Variants in GMDS observed in about 807,000 individuals in gnomAD.
The protein encoded by GMDS is GDP-mannose 4,6-dehydratase, also known as GDP-mannose 4,6 dehydratase.
GMDS carries 20 observed loss-of-function variants against 49.9 expected under a neutral mutation model. The observed-to-expected ratio is 0.40, with a 90% CI of 0.28 to 0.58. GMDS has a LOEUF of 0.58. GMDS is among the 20% of genes least tolerant of loss of function. GMDS has a pLI of 0.42. For synonymous variants in GMDS, 177 were observed against 178.6 expected (o/e 0.99, Z 0.07); for missense variants, 362 against 481.4 (o/e 0.75, Z 2.32).
chr6:1,734,268 A>G (rs981939587), intron 8 of GMDS, among the ~76,000 whole-genome samples: 1 of 152,242 alleles, frequency 6.6e-6, no homozygotes, highest in South Asian at 2.1e-4. Flanking sequence ...AGGAATAACC[A>G]TCTACCACAA....
At chr6:1,812,694 A>C (rs1159230096) in intron 7 of GMDS, among the ~76,000 whole-genome samples, 1 of 152,140 alleles carries the variant, frequency 6.6e-6, no homozygotes, top group African/African-American at 2.4e-5. Flanking sequence ...CCAGGGGCTG[A>C]GGAAGCTGCA....
At chr6:2,027,234 C>T (rs1311931766) in intron 4 of GMDS, among the ~76,000 whole-genome samples, 3 of 152,048 alleles carry the variant, frequency 2.0e-5, no homozygotes, top group African/African-American at 4.8e-5. Flanking sequence ...GAGGAAGGAG[C>T]GAACACATTT....
At chr6:1,646,287 G>A (rs1363408283) in intron 9 of GMDS, among the ~76,000 whole-genome samples, 2 of 152,106 alleles carry the variant, frequency 1.3e-5, no homozygotes, top group African/African-American at 4.8e-5. Context: ...GCATCCTCCC[G>A]CTTCACAGAC....
intron 4 of GMDS, among the ~76,000 whole-genome samples, chr6:2,016,033 A>C (rs1011727247): frequency 9.1e-6 from 1 of 110,214 alleles, no homozygotes; most frequent in African/African-American, 3.5e-5. Context: ...AGCCCAGGAA[A>C]TAGAGACCAG....
chr6:2,169,636 AC>A (rs1178335386), intron 1 of GMDS, among the ~76,000 whole-genome samples: 1 of 151,560 alleles, frequency 6.6e-6, no homozygotes, highest in African/African-American at 2.4e-5. Flanking sequence ...AAAAAAAAAA[AC>A]AAAAAAAAAG....
At chr6:2,110,782 G>A (rs1774503969) in intron 4 of GMDS, among the ~76,000 whole-genome samples, 1 of 152,140 alleles carries the variant, frequency 6.6e-6, no homozygotes, top group Non-Finnish European at 1.5e-5. Flanking sequence ...AAGTAATACA[G>A]ATATTTAAAG....
intron 7 of GMDS, among the ~76,000 whole-genome samples, chr6:1,835,827 A>G (rs1343674698): frequency 6.6e-6 from 1 of 152,094 alleles, no homozygotes; most frequent in Non-Finnish European, 1.5e-5. Flanking sequence ...TGTTCATGGG[A>G]GTCATTAGAC....
chr6:2,074,753 T>C (rs1772224673), intron 4 of GMDS, among the ~76,000 whole-genome samples: 1 of 152,152 alleles, frequency 6.6e-6, no homozygotes, highest in African/African-American at 2.4e-5. Context: ...ATTCTCCTGA[T>C]TCAGCCTCTC....
At chr6:2,197,053 C>T (rs919534996) in intron 1 of GMDS, among the ~76,000 whole-genome samples, 18 of 152,180 alleles carry the variant, frequency 1.2e-4, no homozygotes, top group Admixed American at 5.2e-4. Flanking sequence ...CCACACCCTT[C>T]CTAGGAGAAG....
intron 1 of GMDS, among the ~76,000 whole-genome samples, chr6:2,167,151 G>C (rs1032840123): frequency 9.9e-5 from 15 of 151,970 alleles, no homozygotes; most frequent in Admixed American, 3.3e-4. Context: ...CATTTTTTCA[G>C]ACCTTGTCTT....
intron 4 of GMDS, among the ~76,000 whole-genome samples, chr6:2,048,337 A>T (rs560034837): frequency 6.6e-6 from 1 of 152,360 alleles, no homozygotes; most frequent in East Asian, 1.9e-4. Context: ...ATTATTAAAA[A>T]GATAAGTCCT....
chr6:1,935,122 T>C (rs1641988611), intron 6 of GMDS, among the ~76,000 whole-genome samples: 1 of 152,202 alleles, frequency 6.6e-6, no homozygotes, highest in African/African-American at 2.4e-5. Context: ...AGATTCTCGT[T>C]AGAAAGAGGA....
intron 6 of GMDS, chr6:1,930,657 T>A (rs62391627): frequency 0.12 from 18,654 of 153,630 alleles, 1,448 homozygotes; most frequent in East Asian, 0.2. Context: ...ACATCATATA[T>A]TCCTATTAAT....
At chr6:1,871,862 T>TTTCTC (rs1392576221) in intron 7 of GMDS, among the ~76,000 whole-genome samples, 1 of 152,242 alleles carries the variant, frequency 6.6e-6, no homozygotes, top group East Asian at 1.9e-4. Flanking sequence ...CTTCTTTTCT[T>TTTCTC]TTCTCTTTTG....
intron 7 of GMDS, among the ~76,000 whole-genome samples, chr6:1,832,424 A>G (rs573727453): frequency 6.6e-6 from 1 of 152,074 alleles, no homozygotes; most frequent in African/African-American, 2.4e-5. Context: ...AAAACTCCTT[A>G]GAGATTAATT....
At chr6:1,924,453 T>G (rs1222054329) in intron 7 of GMDS, among the ~76,000 whole-genome samples, 1 of 152,168 alleles carries the variant, frequency 6.6e-6, no homozygotes, top group Non-Finnish European at 1.5e-5. Context: ...TGGACTTAGG[T>G]CTCTTGATTA....
intron 2 of GMDS, among the ~76,000 whole-genome samples, chr6:2,122,626 C>G (rs1192483517): frequency 6.6e-6 from 1 of 152,230 alleles, no homozygotes; most frequent in Non-Finnish European, 1.5e-5. Flanking sequence ...GTGCCACCAT[C>G]AGATTCCTCC....
chr6:1,788,251 G>C (rs1264873544), intron 7 of GMDS, among the ~76,000 whole-genome samples: 1 of 152,204 alleles, frequency 6.6e-6, no homozygotes, highest in Admixed American at 6.5e-5. Flanking sequence ...GAACAGGCAG[G>C]CTTAAAGAAT....
At chr6:1,988,739 C>T (rs1765726884) in intron 4 of GMDS, among the ~76,000 whole-genome samples, 1 of 151,048 alleles carries the variant, frequency 6.6e-6, no homozygotes, top group African/African-American at 2.4e-5. Flanking sequence ...TAAAAAATAA[C>T]AAAAGAAAAT....
Sources: gnomAD v4.1 joint callset for allele counts (sites outside exome capture counted in the v4.1 genomes callset) on GRCh38, gnomAD v4.1.1 for gene constraint, MANE v1.5 for transcripts, NCBI Gene and HGNC (gene_info 2026-07-23, HGNC 2026-07-21) for gene names.